The following PIK3C2B variants were observed in gnomAD, a reference collection of about 807,000 sequenced individuals.
PIK3C2B encodes the protein phosphatidylinositol-4-phosphate 3-kinase catalytic subunit type 2 beta, also known as phosphatidylinositol 4-phosphate 3-kinase C2 domain-containing subunit beta.
A neutral mutation model predicts 184.3 loss-of-function variants in PIK3C2B; 83 were observed. That is an observed-to-expected ratio of 0.45 (90% confidence interval 0.38 to 0.54). PIK3C2B has a LOEUF of 0.54. Ranked by LOEUF, PIK3C2B falls within the 20% of genes least tolerant of loss-of-function variation. The pLI, the probability that PIK3C2B is intolerant of heterozygous loss-of-function variation, is 0.00. For synonymous variants in PIK3C2B, 779 were observed against 837.6 expected (o/e 0.93, Z 1.21); for missense variants, 1,736 against 2,113.5 (o/e 0.82, Z 3.50).
At chr1:204,437,538 G>A (rs1675418105) in intron 23 of PIK3C2B, among the ~76,000 whole-genome samples, 1 of 152,250 alleles carries the variant, frequency 6.6e-6, no homozygotes, top group East Asian at 1.9e-4. Context: ...AAATCAAGCA[G>A]AGGCTGGCTC....
intron 1 of PIK3C2B, among the ~76,000 whole-genome samples, chr1:204,486,848 C>T (rs185196293): frequency 1.7e-4 from 26 of 152,298 alleles, no homozygotes; most frequent in Non-Finnish European, 3.4e-4. Flanking sequence ...CGCTCTGCTG[C>T]CCAGGCTGGA....
chr1:204,460,219 C>T, intron 7 of PIK3C2B, 105 bp downstream of exon 7: 2 of 919,426 alleles, frequency 2.2e-6, no homozygotes, highest in Non-Finnish European at 3.5e-6. Context: ...ACCCCTGACA[C>T]CTGCAAGAAT....
chr1:204,467,205 G>C (rs528579074), intron 2 of PIK3C2B: 33 of 296,012 alleles, frequency 1.1e-4, no homozygotes, highest in Non-Finnish European at 1.9e-4. Flanking sequence ...CACCTACCAG[G>C]GTGCCCTGAC....
chr1:204,428,949 C>T (rs61758008), intron 29 of PIK3C2B: 49,417 of 453,126 alleles, frequency 0.11, 3,659 homozygotes, highest in African/African-American at 0.27. Flanking sequence ...ACAGGCCGAG[C>T]GCAGTGGTTC....
At chr1:204,456,236 A>C in intron 10 of PIK3C2B, 185 bp from the exon 11 acceptor site, 1 of 473,590 alleles carries the variant, frequency 2.1e-6, no homozygotes, top group Non-Finnish European at 3.7e-6. Context: ...GCATGTCATG[A>C]GCTTTTCATA....
intron 29 of PIK3C2B, chr1:204,428,907 A>G: frequency 2.2e-6 from 1 of 456,240 alleles, no homozygotes; most frequent in Non-Finnish European, 4.4e-6. Context: ...CATGCTTGAA[A>G]GTTTTAACCC....
Position 204,457,879 on chromosome 1 carries a change from G to A in PIK3C2B, c.1567-5C>T, listed in dbSNP as rs1655002702. 2 of 1,611,520 alleles carry A rather than the reference G, an allele frequency of 1.2e-6. No individual in the cohort carries two copies. The highest frequency in any genetic ancestry group is 2.2e-5 in the South Asian group (2 of 90,712). On this transcript the variant is annotated splice_region_variant and splice_polypyrimidine_tract_variant and intron_variant, in intron 8 of 32. Transcript: ENST00000684373. ...AGCCTTCAGTGGGAAGTCTCCCTGT[G>A]GGAGGTGGCACAGTGAGGCTGGCAG...
rs1674958428 is a variant in PIK3C2B, at chr1:204,430,042, G to A, written c.4281-4C>T. ...GATCACGAAGCGACTAGGGAAGCTG[G>A]CGTGGCAGCGTAGGCAGCGGGGATG... is the stretch of plus-strand genomic sequence containing the variant. On this transcript the variant is annotated splice_polypyrimidine_tract_variant and splice_region_variant and intron_variant, in intron 28 of 32. Coordinates refer to ENST00000684373, the MANE Select transcript of PIK3C2B (RefSeq NM_001377334.1). 1 of 1,591,698 alleles carries A rather than the reference G, an allele frequency of 6.3e-7. No homozygotes were observed. The highest frequency in any genetic ancestry group is 1.1e-5 in the South Asian group (1 of 90,748).
intron 23 of PIK3C2B, among the ~76,000 whole-genome samples, chr1:204,438,297 G>T (rs1352728473): frequency 1.3e-5 from 2 of 152,194 alleles, no homozygotes; most frequent in Non-Finnish European, 2.9e-5. Flanking sequence ...GACTAGAGTT[G>T]TGATGCTGGG....
intron 31 of PIK3C2B, 47 bp downstream of exon 31, chr1:204,427,601 A>C: frequency 7.5e-7 from 1 of 1,341,794 alleles, no homozygotes; most frequent in East Asian, 2.3e-5. Flanking sequence ...AAAGTAGCTA[A>C]AGAAACATTA....
chr1:204,433,219 A>G lies in PIK3C2B; in HGVS notation c.3953+97T>C, dbSNP rs1572287436. On this transcript the variant is annotated intron_variant, in intron 26 of 32. Coordinates refer to ENST00000684373, the MANE Select transcript of PIK3C2B (RefSeq NM_001377334.1). The surrounding 1 kb of genome is among the most constrained non-coding windows in gnomAD (Gnocchi z 5.0). ...AGCTCTAGGCTCTAGCATCTGAGCT[A>G]AGCTTTTCACCTTTCCCCAGTCCTC... The G allele has an allele frequency of 2.9e-6, 2 of 687,852 alleles. No homozygotes were observed. The highest frequency in any genetic ancestry group is 2.6e-5 in the East Asian group (1 of 37,936). 42.6% of individuals were successfully genotyped at this position (687,852 alleles called of 1,614,324 possible).
At chr1:204,445,923 A>G in intron 16 of PIK3C2B, 33 bp downstream of exon 16, 2 of 1,442,170 alleles carry the variant, frequency 1.4e-6, no homozygotes, top group South Asian at 1.5e-5. Context: ...CTACAAGAAC[A>G]CATAGTCAGA....
In PIK3C2B at chr1:204,433,825, G is replaced by C; in HGVS notation, c.3811C>G (p.His1271Asp). 3 of 1,614,196 alleles carry C rather than the reference G, an allele frequency of 1.9e-6. No individual in the cohort carries two copies. The highest frequency in any genetic ancestry group is 2.5e-6 in the Non-Finnish European group (3 of 1,180,012). ...AGAAGGTTGAGGAAGAGGTGGGTGT[G>C]CTTGCGAATGAGGTTGTAGGCTTGG... ...CCQAYNLIRKHTHLFLNLLGL... is the reference protein window; with the variant it reads ...CCQAYNLIRKDTHLFLNLLGL... Residue 1271 changes from histidine to aspartate, a missense_variant, in exon 25 of 33, where the codon CAC becomes GAC. This residue lies in a region of PIK3C2B where 119 missense variants were observed against 179.3 expected (regional missense o/e 0.66). Transcript: ENST00000684373. The surrounding 1 kb of genome is among the most constrained non-coding windows in gnomAD (Gnocchi z 5.0).
At position 204,447,202 on chromosome 1, in the gene PIK3C2B, G is replaced by A. The variant is rs1384909555; in HGVS notation, c.2489+234C>T. 6.6e-6 allele frequency among the ~76,000 whole-genome samples: 1 copy of A among 152,164 alleles called. No homozygotes were observed. The highest frequency in any genetic ancestry group is 2.4e-5 in the African/African-American group (1 of 41,426). On this transcript the variant is annotated intron_variant, in intron 15 of 32. Transcript: ENST00000684373. This position sits in a 1 kb window ranked among gnomAD's most constrained non-coding sequence, Gnocchi z 4.1. ...CTGGTCCTCCTGGGTAGCTGAGTCTGGACCAAGTCCCTGGGGTGGGGACTT... is the reference window on the plus strand; with the variant it reads ...CTGGTCCTCCTGGGTAGCTGAGTCTAGACCAAGTCCCTGGGGTGGGGACTT...
At chr1:204,428,966 A>C (rs1025104105) in intron 29 of PIK3C2B, 4 of 452,404 alleles carry the variant, frequency 8.8e-6, no homozygotes, top group Non-Finnish European at 1.8e-5. Flanking sequence ...GTTCATGCCT[A>C]TAATTCCAGC....
Position 204,494,622 on chromosome 1 carries a change from C to G in PIK3C2B, c.-351G>C, listed in dbSNP as rs565419890. 6.5e-6 allele frequency: 1 copy of G among 152,702 alleles called. No homozygotes were observed. The highest frequency in any genetic ancestry group is 1.9e-4 in the East Asian group (1 of 5,186). 9.5% of individuals were successfully genotyped at this position (152,702 alleles called of 1,614,324 possible). On this transcript the variant is annotated 5_prime_UTR_variant, in exon 1 of 33. Coordinates refer to ENST00000684373, the MANE Select transcript of PIK3C2B (RefSeq NM_001377334.1). Reference sequence around the variant, plus strand: ...GGGGGTGGGGAGGGGTGCTCTCCGCCGAGAGCGTGCGCGAGCTCGCAGAGT... The same window carrying G: ...GGGGGTGGGGAGGGGTGCTCTCCGCGGAGAGCGTGCGCGAGCTCGCAGAGT...
rs1269159082 is a variant in PIK3C2B at position 204,444,344 on chromosome 1, G to A, written c.2759C>T (p.Pro920Leu). The A allele has an allele frequency of 6.2e-7, 1 of 1,611,980 alleles. No individual in the cohort carries two copies. The highest frequency in any genetic ancestry group is 1.3e-5 in the African/African-American group (1 of 74,824). The change falls in exon 17 of 33, where the codon CCC (proline) becomes CTC (leucine). Residue 920 changes from proline (P) to leucine (L), a missense_variant. Physicochemically the swap from Pro to Leu is moderately conservative, Grantham distance 98 (BLOSUM62 -3). This residue lies in a region of PIK3C2B where 289 missense variants were observed against 380.4 expected (regional missense o/e 0.76). Coordinates refer to ENST00000684373, the MANE Select transcript of PIK3C2B (RefSeq NM_001377334.1). ...LSDAELLDYL[P>L]QLVQALKYEC... ...CAATCCACCCACCTGTACCAGCTGG[G>A]GCAGGTAGTCTAGCAGCTCAGCATC...
At chr1:204,459,366 T>C (rs2103502483) in intron 8 of PIK3C2B, among the ~76,000 whole-genome samples, 1 of 152,348 alleles carries the variant, frequency 6.6e-6, no homozygotes, top group African/African-American at 2.4e-5. Flanking sequence ...CGTTGTGACA[T>C]TTAAGACAAA....
rs201523072 is a variant in PIK3C2B, at chr1:204,469,806, G to A, written c.-4C>T. On this transcript the variant is annotated 5_prime_UTR_variant, in exon 2 of 33. Transcript: ENST00000684373. The stretch of plus-strand genomic sequence containing the variant: ...CATTGCCCTGAGTCGAAGACATGGT[G>A]AGGATGGGGGACACAGGCAACAAAG... 1.9e-6 allele frequency: 3 copies of A among 1,603,064 alleles called. No homozygotes were observed. Among genetic ancestry groups the A allele is most frequent in the South Asian group, 2.2e-5 (2 of 90,842 alleles).
Sources: allele counts gnomAD v4.1 joint callset (sites outside exome capture counted in the v4.1 genomes callset), GRCh38; gene constraint gnomAD v4.1.1; regional missense constraint gnomAD v4.1.1; non-coding constraint Gnocchi (gnomAD v3.1); transcripts MANE v1.5; gene names NCBI Gene and HGNC (gene_info 2026-07-23, HGNC 2026-07-21).